The following DLG2 variants were observed in gnomAD, a reference collection of about 807,000 sequenced individuals.
DLG2 encodes the protein discs large MAGUK scaffold protein 2.
DLG2 carries 45 observed loss-of-function variants against 132.5 expected under a neutral mutation model. That is an observed-to-expected ratio of 0.34 (90% CI 0.27 to 0.44). The LOEUF (loss-of-function observed/expected upper bound fraction) is 0.44. DLG2 is among the 20% of genes least tolerant of loss of function. DLG2 has a pLI of 1.00. For missense variants in DLG2, 1,045 were observed against 1,196.9 expected, an observed-to-expected ratio of 0.87 and a Z score of 1.87; for synonymous variants, 424 against 419.6, an observed-to-expected ratio of 1.01 and a Z score of -0.13.
At chr11:84,394,929 T>C (rs913525109) in intron 7 of DLG2, among the ~76,000 whole-genome samples, 3 of 152,158 alleles carry the variant, frequency 2.0e-5, no homozygotes, top group African/African-American at 7.2e-5. Context: ...CCTTCTCTTT[T>C]CAAATGTTGC....
At chr11:84,705,202 G>T (rs911807511) in intron 6 of DLG2, among the ~76,000 whole-genome samples, 1 of 151,680 alleles carries the variant, frequency 6.6e-6, no homozygotes, top group African/African-American at 2.4e-5. Flanking sequence ...GAATTCTAAC[G>T]TAGTTGGGAT....
intron 9 of DLG2, among the ~76,000 whole-genome samples, chr11:84,113,268 T>C (rs1021104575): frequency 2.0e-5 from 3 of 152,208 alleles, no homozygotes; most frequent in African/African-American, 7.2e-5. Context: ...CAGTGAGATA[T>C]ATGCATAAAA....
chr11:84,232,043 T>C lies in DLG2; in HGVS notation c.573+19195A>G, dbSNP rs544569421. Among the ~76,000 whole-genome samples, 5 of 151,840 alleles carry C rather than the reference T, an allele frequency of 3.3e-5. No individual in the cohort carries two copies. In the South Asian group the frequency reaches 8.4e-4, roughly 26 times the overall value. On this transcript the variant is annotated intron_variant, in intron 8 of 27. Coordinates refer to ENST00000376104, the MANE Select transcript of DLG2 (RefSeq NM_001142699.3). ...GGGGAAGGAAGAGAAACAAACAACATAGAAACTAAAGCCAGACTATGTGAA... is the reference window on the plus strand; with the variant it reads ...GGGGAAGGAAGAGAAACAAACAACACAGAAACTAAAGCCAGACTATGTGAA...
At chr11:83,836,621 T>C (rs540757691) in intron 16 of DLG2, among the ~76,000 whole-genome samples, 2 of 152,188 alleles carry the variant, frequency 1.3e-5, no homozygotes, top group East Asian at 1.9e-4. Context: ...CCTTAATTAC[T>C]TGCAAAATCC....
intron 10 of DLG2, among the ~76,000 whole-genome samples, chr11:84,073,782 G>A (rs1216424619): frequency 6.6e-6 from 1 of 152,074 alleles, no homozygotes; most frequent in Non-Finnish European, 1.5e-5. Context: ...ATACCATGTG[G>A]CAAACTGTAA....
rs75208430 is a variant in DLG2, at chr11:83,770,514, G to C, written c.1825+16176C>G. Among the ~76,000 whole-genome samples the C allele has an allele frequency of 2.2e-3, 329 of 152,234 alleles. 6 individuals are homozygous for C. The East Asian group carries it at 0.05, about 23-fold the overall frequency. On this transcript the variant is annotated intron_variant, in intron 18 of 27. Coordinates refer to ENST00000376104, the MANE Select transcript of DLG2 (RefSeq NM_001142699.3). ...ATTCAAGGAGAGGTATAGCTGAGAAGAGGATGATAAGAGAAGACATACATT... is the reference window on the plus strand; with the variant it reads ...ATTCAAGGAGAGGTATAGCTGAGAACAGGATGATAAGAGAAGACATACATT...
At chr11:84,888,672 C>CA (rs5793145) in intron 6 of DLG2, among the ~76,000 whole-genome samples, 55 of 149,610 alleles carry the variant, frequency 3.7e-4, no homozygotes, top group East Asian at 1.6e-3. Flanking sequence ...GCATCTCAGG[C>CA]AAAAAAAAAA....
At chr11:84,650,873 G>GTGTGTGTGTGTATATATATATATATATA (rs1424393386) in intron 6 of DLG2, among the ~76,000 whole-genome samples, 3 of 124,004 alleles carry the variant, frequency 2.4e-5, no homozygotes, top group African/African-American at 9.5e-5. Context: ...GTGTGTGTGT[G>GTGTGTGTGTGTATATATATATATATATA]TATATATATA....
chr11:84,443,712 C>T (rs2099024275), intron 7 of DLG2, among the ~76,000 whole-genome samples: 2 of 152,046 alleles, frequency 1.3e-5, no homozygotes, highest in African/African-American at 4.8e-5. Context: ...TGTTCATACC[C>T]CTTGCCCATT....
At chr11:83,687,628 C>T (rs1226398735) in intron 18 of DLG2, among the ~76,000 whole-genome samples, 2 of 151,864 alleles carry the variant, frequency 1.3e-5, no homozygotes, top group African/African-American at 4.8e-5. Context: ...GGATTTTTTT[C>T]GTAAATTTTT....
chr11:85,280,674 G>C (rs2078168915), intron 4 of DLG2, among the ~76,000 whole-genome samples: 1 of 151,940 alleles, frequency 6.6e-6, no homozygotes, highest in Admixed American at 6.6e-5. Context: ...ACCCATAAAT[G>C]AAGCAGAAAA....
At chr11:85,435,963 C>A (rs2091457360) in intron 3 of DLG2, among the ~76,000 whole-genome samples, 1 of 151,826 alleles carries the variant, frequency 6.6e-6, no homozygotes, top group South Asian at 2.1e-4. Flanking sequence ...CCAAAACAGA[C>A]ACATAGACCA....
intron 11 of DLG2, among the ~76,000 whole-genome samples, chr11:84,002,070 A>G (rs1427870091): frequency 1.3e-5 from 2 of 152,192 alleles, no homozygotes; most frequent in Non-Finnish European, 2.9e-5. Context: ...TAAAGATAAG[A>G]GTAGAACTAA....
intron 7 of DLG2, among the ~76,000 whole-genome samples, chr11:84,388,021 G>C (rs2098777835): frequency 6.6e-6 from 1 of 152,100 alleles, no homozygotes; most frequent in Admixed American, 6.6e-5. Context: ...GTGTTTCTTA[G>C]AGTTAATGCT....
At chr11:84,138,468 T>C (rs1253823798) in intron 9 of DLG2, among the ~76,000 whole-genome samples, 2 of 152,190 alleles carry the variant, frequency 1.3e-5, no homozygotes, top group Non-Finnish European at 2.9e-5. Context: ...TGTGTTGTAA[T>C]GTCGATCAAA....
At position 83,928,848 on chromosome 11, in the gene DLG2, T is replaced by C. The variant is rs145189602; in HGVS notation, c.1496+1480A>G. Among the ~76,000 whole-genome samples, 5 of 152,328 alleles carry C rather than the reference T, an allele frequency of 3.3e-5. No individual in the cohort carries two copies. The East Asian group carries it at 9.6e-4, about 29-fold the overall frequency. ...CTGGCACAGAAGAGCTCAATAAATG[T>C]TAGCTACCCTTATGTAGCTGACTAT... On this transcript the variant is annotated intron_variant, in intron 15 of 27. Transcript: ENST00000376104.
At position 84,191,720 on chromosome 11, in the gene DLG2, G is replaced by A. The variant is rs146370899; in HGVS notation, c.574-28209C>T. ...TGTTTCAGGGATCCTGAAATAGATGGCAATTAACAGTTAATAAATAATCAT... is the reference window on the plus strand; with the variant it reads ...TGTTTCAGGGATCCTGAAATAGATGACAATTAACAGTTAATAAATAATCAT... On this transcript the variant is annotated intron_variant, in intron 8 of 27. Coordinates refer to ENST00000376104, the MANE Select transcript of DLG2 (RefSeq NM_001142699.3). Among the ~76,000 whole-genome samples, 1,415 of 152,248 alleles carry A rather than the reference G, an allele frequency of 9.3e-3. 15 individuals carry two copies. Among genetic ancestry groups the A allele is most frequent in the Non-Finnish European group, 0.012 (817 of 68,010 alleles).
chr11:83,651,228 T>TA (rs888042320), intron 18 of DLG2, among the ~76,000 whole-genome samples: 1 of 151,460 alleles, frequency 6.6e-6, no homozygotes, highest in Non-Finnish European at 1.5e-5. Context: ...GAGTTTAGGT[T>TA]AAAAAAAAAT....
intron 9 of DLG2, among the ~76,000 whole-genome samples, chr11:84,105,663 T>C (rs879905785): frequency 2.6e-5 from 4 of 152,152 alleles, no homozygotes; most frequent in Admixed American, 1.3e-4. Context: ...GGGTAAAGAT[T>C]AGGTTATAGT....
Sources: allele counts gnomAD v4.1 joint callset (sites outside exome capture counted in the v4.1 genomes callset), GRCh38; gene constraint gnomAD v4.1.1; transcripts MANE v1.5; gene names NCBI Gene and HGNC (gene_info 2026-07-23, HGNC 2026-07-21).